LRIG1: variants seen among roughly 807,000 people sequenced by gnomAD.
LRIG1 encodes the protein leucine rich repeats and immunoglobulin like domains 1, also known as leucine-rich repeats and immunoglobulin-like domains protein 1.
Under a neutral mutation model 99.2 loss-of-function variants are expected in LRIG1, and 48 were observed. That is an observed-to-expected ratio of 0.48 (90% confidence interval 0.38 to 0.62). The LOEUF (loss-of-function observed/expected upper bound fraction) is 0.62, where lower values mean the gene tolerates loss of function less well. Among genes scored for constraint, LRIG1 ranks in the 20% least tolerant of loss-of-function variants. LRIG1 has a pLI of 0.00. For missense variants in LRIG1, 1,646 were observed against 1,434.4 expected, an observed-to-expected ratio of 1.15 and a Z score of -2.38; for synonymous variants, 772 against 596.1, an observed-to-expected ratio of 1.29 and a Z score of -4.30.
chr3:66,462,731 G>T (rs574109124), intron 1 of LRIG1, among the ~76,000 whole-genome samples: 1 of 151,950 alleles, frequency 6.6e-6, no homozygotes, highest in Middle Eastern at 3.4e-3. Context: ...AAACCCAAAC[G>T]AATTTCTATC....
At chr3:66,424,216 G>A (rs1438646711) in intron 3 of LRIG1, among the ~76,000 whole-genome samples, 1 of 152,132 alleles carries the variant, frequency 6.6e-6, no homozygotes, top group Non-Finnish European at 1.5e-5. Flanking sequence ...AGATTCCCCA[G>A]CATCTGGATG....
chr3:66,390,454 G>T (rs74856151), intron 12 of LRIG1, among the ~76,000 whole-genome samples: 12 of 152,260 alleles, frequency 7.9e-5, no homozygotes, highest in South Asian at 4.1e-4. Flanking sequence ...ATGACTGAAA[G>T]AAATTTTTAA....
In LRIG1 at chr3:66,382,378, C is replaced by G; in HGVS notation, c.2512G>C (p.Asp838His). Residue 838 changes from aspartate to histidine, a missense_variant, in exon 16 of 19, where the codon GAT becomes CAT. Transcript: ENST00000273261. ...TNTDETVVPP[D>H]VPSYLSSQGT... ...TGAGAAGAGAGGTAGCTTGGAACAT[C>G]TGGTGGCACGACGGTTTCATCTGCA... 5 of 1,614,216 alleles carry G rather than the reference C, an allele frequency of 3.1e-6. No homozygotes were observed. Among genetic ancestry groups the G allele is most frequent in the Non-Finnish European group, 4.2e-6 (5 of 1,180,026 alleles).
chr3:66,476,660 G>C (rs946105169), intron 1 of LRIG1, among the ~76,000 whole-genome samples: 1 of 152,180 alleles, frequency 6.6e-6, no homozygotes, highest in African/African-American at 2.4e-5. Context: ...AAAGATGGCT[G>C]TCTCTCCAGG....
intron 3 of LRIG1, among the ~76,000 whole-genome samples, chr3:66,444,672 G>A (rs974945365): frequency 1.3e-5 from 2 of 152,176 alleles, no homozygotes; most frequent in Non-Finnish European, 2.9e-5. Context: ...AGAAACGAGG[G>A]TAAGACCCAG....
intron 1 of LRIG1, among the ~76,000 whole-genome samples, chr3:66,467,811 T>C (rs1215655766): frequency 6.6e-6 from 1 of 152,230 alleles, no homozygotes; most frequent in African/African-American, 2.4e-5. Flanking sequence ...AATATATCTA[T>C]ATCATGAAAT....
Position 66,380,311 on chromosome 3 carries a change from C to T in LRIG1, c.3234G>A (p.Gln1078=), listed in dbSNP as rs373180787. 6.2e-7 allele frequency: 1 copy of T among 1,614,164 alleles called. No homozygotes were observed. Residue 1078 remains glutamine, a synonymous_variant, in exon 19 of 19, where the codon CAG becomes CAA. Coordinates refer to ENST00000273261, the MANE Select transcript of LRIG1 (RefSeq NM_015541.3). The part of the protein sequence containing the change: ...ASPESTPLTG[Q]LPGKQRVPLL... Reference sequence around the variant, plus strand: ...GTGGCACCCTCTGTTTCCCGGGGAGCTGTCCTGTCAGTGGCGTGGACTCGG... The same window carrying T: ...GTGGCACCCTCTGTTTCCCGGGGAGTTGTCCTGTCAGTGGCGTGGACTCGG...
At position 66,386,013 on chromosome 3, in the gene LRIG1, G is replaced by A. The variant is rs200725601; in HGVS notation, c.1757C>T (p.Thr586Ile). ...GGTGAGCCTGGCCTTATGTGAATAG[G>A]TGGAGCCAAAGTGGTTGGTGATGAC... is the stretch of plus-strand genomic sequence containing the variant. ...QCVITNHFGS[T>I]YSHKARLTVN... Residue 586 changes from threonine to isoleucine, a missense_variant, in exon 13 of 19, where the codon ACC becomes ATC. By Grantham distance (89) the Thr-to-Ile change is moderately conservative. Transcript: ENST00000273261. 54 of 1,614,054 alleles carry A rather than the reference G, an allele frequency of 3.3e-5. No homozygotes were observed. The highest frequency in any genetic ancestry group is 3.3e-4 in the Middle Eastern group (2 of 6,084).
intron 1 of LRIG1, among the ~76,000 whole-genome samples, chr3:66,473,827 C>G (rs2106874296): frequency 6.6e-6 from 1 of 152,334 alleles, no homozygotes; most frequent in African/African-American, 2.4e-5. Flanking sequence ...TAATAGCTAG[C>G]TTATCGACTT....
chr3:66,436,252 T>G (rs1353926074), intron 3 of LRIG1, among the ~76,000 whole-genome samples: 3 of 152,048 alleles, frequency 2.0e-5, no homozygotes. Context: ...CAGACGCAGG[T>G]TGCCAGACAC....
In LRIG1 at chr3:66,434,673, G is replaced by A. The variant is rs190375988; in HGVS notation, c.365+16886C>T. On this transcript the variant is annotated intron_variant, in intron 3 of 18. Coordinates refer to ENST00000273261, the MANE Select transcript of LRIG1 (RefSeq NM_015541.3). ...GAGGCATAAGAATCACTTGAACCCAGGAGGCAGAGGTTGCAGTGAGCAGAA... is the reference window on the plus strand; with the variant it reads ...GAGGCATAAGAATCACTTGAACCCAAGAGGCAGAGGTTGCAGTGAGCAGAA... Among the ~76,000 whole-genome samples, 6 of 151,740 alleles carry A rather than the reference G, an allele frequency of 4.0e-5. No homozygotes were observed. In the East Asian group the frequency reaches 9.7e-4, roughly 24 times the overall value.
At chr3:66,426,147 T>C (rs1350141581) in intron 3 of LRIG1, among the ~76,000 whole-genome samples, 4 of 152,154 alleles carry the variant, frequency 2.6e-5, no homozygotes, top group African/African-American at 9.7e-5. Flanking sequence ...CCTGAAATTA[T>C]GCACCTATTT....
chr3:66,459,524 C>G (rs1700309223), intron 2 of LRIG1, among the ~76,000 whole-genome samples: 1 of 152,238 alleles, frequency 6.6e-6, no homozygotes, highest in Non-Finnish European at 1.5e-5. Context: ...CACCTGCTCA[C>G]TCAGGACCTT....
Position 66,380,807 on chromosome 3 carries a change from G to C in LRIG1, c.2825C>G (p.Ser942Cys), listed in dbSNP as rs1159119061. Residue 942 changes from serine to cysteine, a missense_variant, in exon 18 of 19, where the codon TCC becomes TGC. Ser to Cys is a moderately radical substitution (Grantham distance 112). Coordinates refer to ENST00000273261, the MANE Select transcript of LRIG1 (RefSeq NM_015541.3). ...SDCNTEVDCY[S>C]RGQAFHPQPV... ...CTGGGGGTGGAAGGCTTGTCCCCTG[G>C]AGTAACAGTCCACTTCGGTGTTGCA... 1 of 1,614,188 alleles carries C rather than the reference G, an allele frequency of 6.2e-7. No individual in the cohort carries two copies. The highest frequency in any genetic ancestry group is 1.7e-5 in the Admixed American group (1 of 60,028).
intron 14 of LRIG1, 107 bp downstream of exon 14, chr3:66,383,884 C>A (rs967749150): frequency 6.2e-6 from 9 of 1,445,020 alleles, no homozygotes; most frequent in Admixed American, 2.6e-5. Flanking sequence ...CAAACAGGGT[C>A]GAAAGGCCCA....
chr3:66,473,227 C>T (rs1445115629), intron 1 of LRIG1, among the ~76,000 whole-genome samples: 1 of 152,202 alleles, frequency 6.6e-6, no homozygotes, highest in African/African-American at 2.4e-5. Context: ...ACTGGCATCT[C>T]CTTCATTCCC....
chr3:66,382,870 G>A, intron 15 of LRIG1, 112 bp downstream of exon 15: 4 of 930,218 alleles, frequency 4.3e-6, no homozygotes, highest in East Asian at 2.6e-5. Flanking sequence ...AAACCCTCAG[G>A]AGTTCTGAAC....
intron 1 of LRIG1, among the ~76,000 whole-genome samples, chr3:66,486,284 T>C (rs564437813): frequency 6.6e-6 from 1 of 152,270 alleles, no homozygotes; most frequent in East Asian, 1.9e-4. Context: ...GCACTACAAT[T>C]ATCCCCATTT....
chr3:66,483,421 A>G (rs987036107), intron 1 of LRIG1, among the ~76,000 whole-genome samples: 2 of 152,242 alleles, frequency 1.3e-5, no homozygotes, highest in African/African-American at 4.8e-5. Context: ...GCTTCTATCA[A>G]TTTACATAGT....
Sources: allele counts gnomAD v4.1 joint callset (sites outside exome capture counted in the v4.1 genomes callset), GRCh38; gene constraint gnomAD v4.1.1; transcripts MANE v1.5; gene names NCBI Gene and HGNC (gene_info 2026-07-23, HGNC 2026-07-21).